The following CFAP54 variants were observed in gnomAD, a reference collection of about 807,000 sequenced individuals.
CFAP54 encodes cilia- and flagella-associated protein 54.
CFAP54 carries 290 observed loss-of-function variants against 370.4 expected under a neutral mutation model. The observed-to-expected ratio is 0.78, with a 90% CI of 0.71 to 0.86. The LOEUF (loss-of-function observed/expected upper bound fraction) is 0.86. CFAP54 is among the 40% of genes least tolerant of loss of function. The pLI, the probability that CFAP54 is intolerant of heterozygous loss-of-function variation, is 0.00. For missense variants in CFAP54, 3,399 were observed against 3,528.7 expected (o/e 0.96, Z 0.93); for synonymous variants, 1,206 against 1,236.5 (o/e 0.98, Z 0.52).
At chr12:96,685,630 C>A (rs542768544) in intron 42 of CFAP54, among the ~76,000 whole-genome samples, 1 of 152,134 alleles carries the variant, frequency 6.6e-6, no homozygotes, top group East Asian at 1.9e-4. Context: ...CAGCTCACTG[C>A]AACCTCCGTC....
intron 26 of CFAP54, among the ~76,000 whole-genome samples, chr12:96,618,583 T>A (rs1956448958): frequency 6.8e-6 from 1 of 146,852 alleles, no homozygotes; most frequent in Non-Finnish European, 1.5e-5. Flanking sequence ...AGGAGATGGG[T>A]AAGGGTGGGT....
intron 8 of CFAP54, among the ~76,000 whole-genome samples, chr12:96,523,569 A>G (rs1955343287): frequency 6.6e-6 from 1 of 152,170 alleles, no homozygotes. Flanking sequence ...TTACTAACCA[A>G]CAGTATATTA....
chr12:96,551,935 G>T (rs1020050976), intron 15 of CFAP54, among the ~76,000 whole-genome samples: 1 of 152,154 alleles, frequency 6.6e-6, no homozygotes, highest in African/African-American at 2.4e-5. Flanking sequence ...GAGAAAAGGT[G>T]TAAGTACTGT....
intron 20 of CFAP54, among the ~76,000 whole-genome samples, chr12:96,577,163 A>T (rs1051597200): frequency 1.3e-5 from 2 of 152,212 alleles, no homozygotes; most frequent in South Asian, 4.1e-4. Flanking sequence ...GAGGCAGCAG[A>T]GTGTGTAAAA....
chr12:96,767,413 T>C (rs1372225360), intron 60 of CFAP54, among the ~76,000 whole-genome samples: 3 of 152,226 alleles, frequency 2.0e-5, no homozygotes, highest in Admixed American at 6.5e-5. Context: ...AGTTTAATAC[T>C]AGAACCTAAG....
chr12:96,778,169 G>T (rs553894719), intron 60 of CFAP54, among the ~76,000 whole-genome samples: 14 of 152,166 alleles, frequency 9.2e-5, no homozygotes, highest in Admixed American at 9.2e-4. Context: ...ATTGGAAAGT[G>T]CCATGATTTC....
At chr12:96,826,665 TAA>T (rs1411223360) in intron 65 of CFAP54, among the ~76,000 whole-genome samples, 12 of 108,716 alleles carry the variant, frequency 1.1e-4, no homozygotes, top group African/African-American at 4.6e-4. Context: ...ATATTATATA[TAA>T]ATATATAATA....
intron 55 of CFAP54, among the ~76,000 whole-genome samples, chr12:96,752,070 T>C (rs1263279218): frequency 7.7e-6 from 1 of 130,252 alleles, no homozygotes; most frequent in Non-Finnish European, 1.6e-5. Context: ...AAGGACTCAG[T>C]AACTTCTTCC....
chr12:96,631,493 T>C (rs550477675), intron 32 of CFAP54, among the ~76,000 whole-genome samples: 20 of 151,710 alleles, frequency 1.3e-4, no homozygotes, highest in African/African-American at 4.8e-4. Flanking sequence ...GCCTTTTTTC[T>C]CTCAATATTA....
chr12:96,751,862 A>T (rs1378063858), intron 55 of CFAP54, among the ~76,000 whole-genome samples: 2 of 152,098 alleles, frequency 1.3e-5, no homozygotes, highest in Non-Finnish European at 2.9e-5. Flanking sequence ...TGCATAACAT[A>T]TTTAGAAGGG....
Position 96,600,361 on chromosome 12 carries a change from C to T in CFAP54, c.3639+1594C>T, listed in dbSNP as rs146643603. ...TTGGCCTATGTATCTGTTTTGGTAC[C>T]AGTACCATGCTGTTTTGGTTACTGT... On this transcript the variant is annotated intron_variant, in intron 26 of 67. Transcript: ENST00000524981. Among the ~76,000 whole-genome samples the T allele has an allele frequency of 1.6e-3, 251 of 152,138 alleles. 1 individual carries two copies. The highest frequency in any genetic ancestry group is 5.8e-3 in the African/African-American group (241 of 41,494).
chr12:96,801,325 AT>A (rs1430218212), intron 63 of CFAP54, among the ~76,000 whole-genome samples: 5 of 152,218 alleles, frequency 3.3e-5, no homozygotes, highest in Non-Finnish European at 7.3e-5. Flanking sequence ...TGACAAAATT[AT>A]CTTTAATAGA....
intron 66 of CFAP54, among the ~76,000 whole-genome samples, chr12:96,843,434 G>A (rs1959247618): frequency 6.6e-6 from 1 of 152,156 alleles, no homozygotes; most frequent in Admixed American, 6.6e-5. Flanking sequence ...AACCTTTACT[G>A]TAATGGAATT....
In CFAP54 at chr12:96,641,254, A is replaced by G. The variant is rs555000551; in HGVS notation, c.4317-2924A>G. Among the ~76,000 whole-genome samples, 13 of 152,362 alleles carry G rather than the reference A, an allele frequency of 8.5e-5. No individual in the cohort carries two copies. In the East Asian group the frequency reaches 2.3e-3, roughly 27 times the overall value. ...AAGAAAAAAACAAACAACACCATCA[A>G]CAAGTGGGCAAAGGATATGAACAGA... On this transcript the variant is annotated intron_variant, in intron 32 of 67. Coordinates refer to ENST00000524981, the MANE Select transcript of CFAP54 (RefSeq NM_001306084.2).
chr12:96,845,715 C>T (rs539536078), intron 66 of CFAP54, among the ~76,000 whole-genome samples: 1 of 152,334 alleles, frequency 6.6e-6, no homozygotes, highest in African/African-American at 2.4e-5. Flanking sequence ...ATTCCCTAAT[C>T]CTAATAAACT....
At chr12:96,674,303 C>A (rs145143192) in intron 39 of CFAP54, among the ~76,000 whole-genome samples, 240 of 148,298 alleles carry the variant, frequency 1.6e-3, no homozygotes, top group African/African-American at 5.6e-3. Context: ...GCTTTCATTT[C>A]TAGAGTGGTA....
intron 4 of CFAP54, among the ~76,000 whole-genome samples, chr12:96,510,105 T>G (rs147802161): frequency 0.011 from 1,662 of 151,680 alleles, 26 homozygotes; most frequent in African/African-American, 0.037. Context: ...ATACAAAAAT[T>G]GGCCGGGTGT....
Position 96,644,283 on chromosome 12 carries a change from A to C in CFAP54, c.4422A>C (p.Ser1474=). 1 of 1,535,740 alleles carries C rather than the reference A, an allele frequency of 6.5e-7. No homozygotes were observed. The highest frequency in any genetic ancestry group is 8.7e-7 in the Non-Finnish European group (1 of 1,146,564). ...AAAGAAAGAGGTTCCATCGTCTATC[A>C]CTTGAAGAGATGCCCTGGAGAGCTC... ...YVKRKRFHRL[S]LEEMPWRAQM... is the part of the protein sequence containing the mutation. The change falls in exon 33 of 68, where the codon TCA becomes TCC. Residue 1474 remains serine, a synonymous_variant. Transcript: ENST00000524981.
chr12:96,824,150 G>T (rs150603399), intron 65 of CFAP54, among the ~76,000 whole-genome samples: 219 of 152,256 alleles, frequency 1.4e-3, no homozygotes, highest in Admixed American at 3.7e-3. Flanking sequence ...CAGCATGCGT[G>T]CATCCAACCG....
Sources: gnomAD v4.1 joint callset for allele counts (sites outside exome capture counted in the v4.1 genomes callset) on GRCh38, gnomAD v4.1.1 for gene constraint, MANE v1.5 for transcripts, NCBI Gene and HGNC (gene_info 2026-07-23, HGNC 2026-07-21) for gene names.